Variants in RFX3 observed in about 807,000 individuals in gnomAD.
The protein encoded by RFX3 is transcription factor RFX3.
RFX3 carries 14 observed loss-of-function variants against 98.6 expected under a neutral mutation model. The observed-to-expected ratio is 0.14, with a 90% CI of 0.09 to 0.22. The LOEUF is 0.22. Ranked by LOEUF, RFX3 falls within the 10% of genes least tolerant of loss-of-function variation. The pLI, the probability that RFX3 is intolerant of heterozygous loss-of-function variation, is 1.00. For synonymous variants in RFX3, 383 were observed against 328.4 expected (o/e 1.17, Z -1.80); for missense variants, 639 against 926.9 (o/e 0.69, Z 4.03).
rs140996813 is a variant in RFX3, at chr9:3,357,757, C to G, written c.118-10993G>C. 3.4e-3 allele frequency among the ~76,000 whole-genome samples: 515 copies of G among 152,092 alleles called. 7 individuals carry two copies. The highest frequency in any genetic ancestry group is 8.9e-3 in the East Asian group (46 of 5,182). On this transcript the variant is annotated intron_variant, in intron 2 of 16. Transcript: ENST00000617270. ...TAGAAGAATCGTAATGTTCCCAATA[C>G]CAAGAAAAGATACATGTTTGAGGTG...
At position 3,267,854 on chromosome 9, in the gene RFX3, G is replaced by C. The variant is rs987991653; in HGVS notation, c.1358-1549C>G. 1.1e-4 allele frequency among the ~76,000 whole-genome samples: 17 copies of C among 151,792 alleles called. No individual in the cohort carries two copies. In the East Asian group the frequency reaches 3.3e-3, roughly 29 times the overall value. On this transcript the variant is annotated intron_variant, in intron 11 of 16. Coordinates refer to ENST00000617270, the MANE Select transcript of RFX3 (RefSeq NM_001282116.2). The stretch of plus-strand genomic sequence containing the variant: ...TTTGAAACAGTAAAATTTTGTTCAA[G>C]GTTCATTTTGGCAATCTGCATTTTC...
At chr9:3,303,973 A>G (rs753169089) in intron 4 of RFX3, among the ~76,000 whole-genome samples, 1 of 152,042 alleles carries the variant, frequency 6.6e-6, no homozygotes, top group Non-Finnish European at 1.5e-5. Context: ...CCTGTGCCGA[A>G]TTTGTGTAGC....
chr9:3,351,095 G>C (rs553630453), intron 2 of RFX3, among the ~76,000 whole-genome samples: 11 of 151,904 alleles, frequency 7.2e-5, no homozygotes, highest in African/African-American at 2.4e-4. Flanking sequence ...TTTAGACTTT[G>C]GGTGATAATG....
At chr9:3,326,572 GA>G (rs560853914) in intron 4 of RFX3, among the ~76,000 whole-genome samples, 275 of 152,250 alleles carry the variant, frequency 1.8e-3, no homozygotes, top group Non-Finnish European at 3.0e-3. Context: ...ACTTACAAGT[GA>G]GAACATGCAG....
intron 14 of RFX3, among the ~76,000 whole-genome samples, chr9:3,253,822 C>A (rs189746626): frequency 6.6e-6 from 1 of 152,246 alleles, no homozygotes; most frequent in Non-Finnish European, 1.5e-5. Flanking sequence ...TTTTTGGCAT[C>A]TGTAATGCCA....
chr9:3,460,784 T>C (rs956994951), intron 1 of RFX3, among the ~76,000 whole-genome samples: 13 of 152,064 alleles, frequency 8.5e-5, no homozygotes, highest in African/African-American at 3.1e-4. Context: ...TGTACTATTT[T>C]CTTGCCATTT....
chr9:3,484,399 C>A (rs558803940), intron 1 of RFX3, among the ~76,000 whole-genome samples: 2 of 152,224 alleles, frequency 1.3e-5, no homozygotes, highest in Admixed American at 1.3e-4. Flanking sequence ...CTAAAGGAGT[C>A]AGTAGACTTA....
At position 3,325,883 on chromosome 9, in the gene RFX3, AGAGG is replaced by A. The variant is rs1230495230; in HGVS notation, c.474+4372_474+4375del. 2.0e-5 allele frequency among the ~76,000 whole-genome samples: 3 copies of A among 152,274 alleles called. No homozygotes were observed. The East Asian group carries it at 5.8e-4, about 29-fold the overall frequency. ...CTTAGAATTTCAAATGAATAAAAGC[AGAGG>A]GAAATATTATGTTGATATAGTTAGA... On this transcript the variant is annotated intron_variant, in intron 4 of 16. Coordinates refer to ENST00000617270, the MANE Select transcript of RFX3 (RefSeq NM_001282116.2).
At chr9:3,474,327 A>G (rs887335759) in intron 1 of RFX3, among the ~76,000 whole-genome samples, 4 of 152,172 alleles carry the variant, frequency 2.6e-5, no homozygotes, top group African/African-American at 4.8e-5. Flanking sequence ...ACTTTTTATG[A>G]CCTACTGTTT....
chr9:3,510,286 A>C (rs1170902358), intron 1 of RFX3, among the ~76,000 whole-genome samples: 1 of 151,954 alleles, frequency 6.6e-6, no homozygotes, highest in Non-Finnish European at 1.5e-5. Flanking sequence ...GCTGCTATGC[A>C]AACAGGGCCA....
At chr9:3,341,459 G>A (rs938517647) in intron 3 of RFX3, among the ~76,000 whole-genome samples, 8 of 151,944 alleles carry the variant, frequency 5.3e-5, no homozygotes, top group South Asian at 4.2e-4. Context: ...CAATGACCTT[G>A]ATAAGGGCAA....
At chr9:3,479,220 T>C (rs1255078381) in intron 1 of RFX3, among the ~76,000 whole-genome samples, 1 of 152,184 alleles carries the variant, frequency 6.6e-6, no homozygotes, top group African/African-American at 2.4e-5. Context: ...TCCTGCTTAA[T>C]TGCCAGAATT....
At chr9:3,250,759 T>C (rs1821289454) in intron 14 of RFX3, among the ~76,000 whole-genome samples, 1 of 152,048 alleles carries the variant, frequency 6.6e-6, no homozygotes, top group Non-Finnish European at 1.5e-5. Flanking sequence ...TATGCAATCA[T>C]TAAAAAAATG....
At chr9:3,332,132 T>C (rs1416830066) in intron 3 of RFX3, among the ~76,000 whole-genome samples, 1 of 152,176 alleles carries the variant, frequency 6.6e-6, no homozygotes, top group Non-Finnish European at 1.5e-5. Context: ...TCCATTATCA[T>C]ACACACTACC....
intron 2 of RFX3, among the ~76,000 whole-genome samples, chr9:3,362,972 A>G (rs1836630816): frequency 6.6e-6 from 1 of 152,164 alleles, no homozygotes; most frequent in Admixed American, 6.6e-5. Flanking sequence ...AAATACATAA[A>G]CCTATTTTTG....
At chr9:3,335,028 A>T (rs1833005389) in intron 3 of RFX3, among the ~76,000 whole-genome samples, 1 of 152,108 alleles carries the variant, frequency 6.6e-6, no homozygotes, top group African/African-American at 2.4e-5. Flanking sequence ...CTGAGGCAGG[A>T]GAATCGCTTG....
chr9:3,306,687 A>G (rs1015872843), intron 4 of RFX3, among the ~76,000 whole-genome samples: 2 of 151,816 alleles, frequency 1.3e-5, no homozygotes, highest in African/African-American at 2.4e-5. Flanking sequence ...CCAACATGGC[A>G]CATGTATACA....
intron 15 of RFX3, chr9:3,247,236 A>G: frequency 3.3e-6 from 3 of 918,012 alleles, no homozygotes; most frequent in Non-Finnish European, 3.7e-6. Flanking sequence ...TCTATTCCTC[A>G]TTATATTAAC....
At chr9:3,523,292 A>G (rs1486046627) in intron 1 of RFX3, among the ~76,000 whole-genome samples, 1 of 152,214 alleles carries the variant, frequency 6.6e-6, no homozygotes, top group African/African-American at 2.4e-5. Context: ...GTATCAATAC[A>G]TAACATAGTC....
Sources: gnomAD v4.1 joint callset for allele counts (sites outside exome capture counted in the v4.1 genomes callset) on GRCh38, gnomAD v4.1.1 for gene constraint, MANE v1.5 for transcripts, NCBI Gene and HGNC (gene_info 2026-07-23, HGNC 2026-07-21) for gene names.